Variants in IL34 observed in about 807,000 individuals in gnomAD.
IL34 encodes the protein interleukin 34.
Under a neutral mutation model 25.3 loss-of-function variants are expected in IL34, and 17 were observed. The observed-to-expected ratio is 0.67, with a 90% CI of 0.46 to 1.01. The LOEUF (loss-of-function observed/expected upper bound fraction) is 1.01. IL34 is among the 50% of genes least tolerant of loss of function. The probability of loss-of-function intolerance (pLI) is 0.00; values close to 1 mark genes in which losing one functional copy is unlikely to be tolerated. For synonymous variants in IL34, 174 were observed against 140.9 expected, an observed-to-expected ratio of 1.23 and a Z score of -1.66; for missense variants, 368 against 312.9, an observed-to-expected ratio of 1.18 and a Z score of -1.33.
chr16:70,607,234 C>T (rs1296300794), intron 1 of IL34, among the ~76,000 whole-genome samples: 2 of 151,896 alleles, frequency 1.3e-5, no homozygotes, highest in African/African-American at 4.8e-5. Context: ...CCCGAGTAGC[C>T]GGGACTACAG....
intron 1 of IL34, among the ~76,000 whole-genome samples, chr16:70,614,709 C>T (rs891538225): frequency 1.3e-5 from 2 of 152,198 alleles, no homozygotes; most frequent in African/African-American, 4.8e-5. Flanking sequence ...CTTTGTGTCT[C>T]ACAGTGTCTT....
chr16:70,590,673 C>T (rs111489131), intron 1 of IL34, among the ~76,000 whole-genome samples: 1,827 of 152,218 alleles, frequency 0.012, 43 homozygotes, highest in African/African-American at 0.041. Flanking sequence ...TAGCCCTGTG[C>T]GGTAGGGGCT....
intron 1 of IL34, among the ~76,000 whole-genome samples, chr16:70,653,666 C>A (rs896841443): frequency 6.6e-6 from 1 of 152,100 alleles, no homozygotes; most frequent in African/African-American, 2.4e-5. Context: ...CTACTGCACT[C>A]CAGCCAGGGT....
At chr16:70,608,803 C>A (rs1451131393) in intron 1 of IL34, among the ~76,000 whole-genome samples, 1 of 152,160 alleles carries the variant, frequency 6.6e-6, no homozygotes, top group Non-Finnish European at 1.5e-5. Flanking sequence ...TGCAGACTTG[C>A]ACCTCAGCCT....
intron 1 of IL34, among the ~76,000 whole-genome samples, chr16:70,581,177 G>A (rs2050632348): frequency 6.6e-6 from 1 of 152,144 alleles, no homozygotes; most frequent in Non-Finnish European, 1.5e-5. Context: ...CTCCCAAAGT[G>A]CTGGGATTAC....
intron 1 of IL34, among the ~76,000 whole-genome samples, chr16:70,635,657 TCA>T (rs1422898210): frequency 6.6e-6 from 1 of 152,116 alleles, no homozygotes; most frequent in East Asian, 1.9e-4. Flanking sequence ...TTGCCTTCTT[TCA>T]CAATCAAGTA....
intron 1 of IL34, among the ~76,000 whole-genome samples, chr16:70,609,643 T>G (rs752056237): frequency 6.6e-6 from 1 of 152,206 alleles, no homozygotes; most frequent in Non-Finnish European, 1.5e-5. Context: ...ACAGGTGCAC[T>G]GAGGCAGAGA....
intron 1 of IL34, among the ~76,000 whole-genome samples, chr16:70,639,499 A>T (rs1205855060): frequency 2.0e-5 from 3 of 152,240 alleles, no homozygotes; most frequent in African/African-American, 7.2e-5. Context: ...AGCAGCCCTC[A>T]GTGAATTAAT....
chr16:70,646,996 A>G (rs775931818), intron 1 of IL34, 21 bp downstream of exon 1: 102 of 1,448,314 alleles, frequency 7.0e-5, no homozygotes, highest in Non-Finnish European at 8.8e-5. Flanking sequence ...GGGGGTCCCT[A>G]GGGACCTGCA....
Position 70,660,262 on chromosome 16 carries a change from A to G in IL34, c.*75A>G. Reference sequence around the variant, plus strand: ...GGAGTTCAACTGGGTCTGAGACTTCAAGGGGTGGTGGTGGGAGCCCCCCTT... The same window carrying G: ...GGAGTTCAACTGGGTCTGAGACTTCGAGGGGTGGTGGTGGGAGCCCCCCTT... On this transcript the variant is annotated 3_prime_UTR_variant, in exon 6 of 6. Coordinates refer to ENST00000288098, the MANE Select transcript of IL34 (RefSeq NM_001393494.1). 7.3e-7 allele frequency: 1 copy of G among 1,371,072 alleles called. No homozygotes were observed. Among genetic ancestry groups the G allele is most frequent in the East Asian group, 2.4e-5 (1 of 41,022 alleles). 84.9% of individuals were successfully genotyped at this position (1,371,072 alleles called of 1,614,324 possible).
intron 1 of IL34, among the ~76,000 whole-genome samples, chr16:70,581,488 C>T (rs2050635799): frequency 2.6e-5 from 4 of 151,336 alleles, no homozygotes; most frequent in Admixed American, 2.6e-4. Context: ...ATACTCTGGG[C>T]CAAGGGCAAG....
rs184485399 is a variant in IL34 at position 70,621,815 on chromosome 16, G to C, written c.-400-24733G>C. On this transcript the variant is annotated intron_variant, in intron 1 of 6. Transcript: ENST00000429149. ...TCTCTGGCGGGCAGGAGTGGGGGTC[G>C]CAAGGTGCTCAGTGGGGGTGTTTTT... Among the ~76,000 whole-genome samples the C allele has an allele frequency of 1.4e-3, 216 of 152,056 alleles. 3 individuals are homozygous for C. Among genetic ancestry groups the C allele is most frequent in the African/African-American group, 4.7e-3 (194 of 41,516 alleles).
chr16:70,630,495 G>T lies in IL34; in HGVS notation c.-400-16053G>T, dbSNP rs369462649. Among the ~76,000 whole-genome samples, 55 of 152,010 alleles carry T rather than the reference G, an allele frequency of 3.6e-4. 1 individual carries two copies. In the East Asian group the frequency reaches 5.6e-3, roughly 16 times the overall value. On this transcript the variant is annotated intron_variant, in intron 1 of 6. Coordinates refer to the IL34 transcript ENST00000429149. ...GATCTGCCAGCGTCGGCCTCCCAAAGTGCTGGGATTACAGGAATGAACCAC... is the reference window on the plus strand; with the variant it reads ...GATCTGCCAGCGTCGGCCTCCCAAATTGCTGGGATTACAGGAATGAACCAC...
chr16:70,653,524 C>A (rs545083161), intron 1 of IL34, among the ~76,000 whole-genome samples: 1 of 152,140 alleles, frequency 6.6e-6, no homozygotes, highest in African/African-American at 2.4e-5. Context: ...CATGGCGATA[C>A]CAGGTCTCTA....
At chr16:70,627,938 C>T (rs1176685638) in intron 1 of IL34, among the ~76,000 whole-genome samples, 1 of 152,194 alleles carries the variant, frequency 6.6e-6, no homozygotes, top group African/African-American at 2.4e-5. Flanking sequence ...ATACAGATTT[C>T]TGTTGGATAT....
intron 1 of IL34, among the ~76,000 whole-genome samples, chr16:70,605,978 T>TG (rs1471466576): frequency 1.3e-5 from 2 of 151,236 alleles, no homozygotes; most frequent in African/African-American, 4.9e-5. Flanking sequence ...GGTTTTTTTT[T>TG]TTTTTTTTTT....
intron 1 of IL34, among the ~76,000 whole-genome samples, chr16:70,637,506 C>T (rs934387997): frequency 7.0e-6 from 1 of 142,204 alleles, no homozygotes; most frequent in Non-Finnish European, 1.6e-5. Flanking sequence ...CCATCAGGCC[C>T]GGCTAATTTT....
chr16:70,608,126 CTTTTTTTTT>C, intron 1 of IL34, among the ~76,000 whole-genome samples: 1 of 38,892 alleles, frequency 2.6e-5, no homozygotes, highest in South Asian at 1.4e-3. Context: ...TTTCTTTTTT[CTTTTTTTTT>C]TTTTTTTTTT....
chr16:70,648,106 G>C (rs2051985513), intron 1 of IL34, among the ~76,000 whole-genome samples: 1 of 152,234 alleles, frequency 6.6e-6, no homozygotes, highest in Non-Finnish European at 1.5e-5. Flanking sequence ...CCCCATAGCA[G>C]GCAGCCCTGG....
Sources: gnomAD v4.1 joint callset for allele counts (sites outside exome capture counted in the v4.1 genomes callset) on GRCh38, gnomAD v4.1.1 for gene constraint, MANE v1.5 for transcripts, NCBI Gene and HGNC (gene_info 2026-07-23, HGNC 2026-07-21) for gene names.